The following TMC8 variants were observed in gnomAD, a reference collection of about 807,000 sequenced individuals.
TMC8 encodes the protein transmembrane channel-like protein 8.
A neutral mutation model predicts 76.0 loss-of-function variants in TMC8; 71 were observed. That is an observed-to-expected ratio of 0.93 (90% confidence interval 0.77 to 1.14). The LOEUF (loss-of-function observed/expected upper bound fraction) is 1.14, where lower values mean the gene tolerates loss of function less well. Among genes scored for constraint, TMC8 ranks in the 50% most tolerant of loss-of-function variants. The pLI, the probability that TMC8 is intolerant of heterozygous loss-of-function variation, is 0.00. For synonymous variants in TMC8, 433 were observed against 433.8 expected, an observed-to-expected ratio of 1.00 and a Z score of 0.02; for missense variants, 924 against 947.9, an observed-to-expected ratio of 0.97 and a Z score of 0.33.
In TMC8 at chr17:78,132,500, T is replaced by C; in HGVS notation, c.440T>C (p.Leu147Pro). Residue 147 changes from leucine to proline, a missense_variant, in exon 4 of 16, where the codon CTG (leucine) becomes CCG (proline). Leu to Pro is a moderately conservative substitution (Grantham distance 98). Transcript: ENST00000318430. ...WLRPPDPGPTLNLTLQCPGSR... is the reference protein window; with the variant it reads ...WLRPPDPGPTPNLTLQCPGSR... ...CGCCCCCCTGACCCAGGCCCCACCC[T>C]GAACTTGAGTGAGTGTGAGGCCCAC... 3.7e-6 allele frequency: 6 copies of C among 1,609,680 alleles called. No homozygotes were observed. Among genetic ancestry groups the C allele is most frequent in the Non-Finnish European group, 2.5e-6 (3 of 1,178,764 alleles).
At chr17:78,133,336 T>A in intron 5 of TMC8, 70 bp from the exon 6 acceptor site, 4 of 1,610,880 alleles carry the variant, frequency 2.5e-6, no homozygotes, top group Non-Finnish European at 3.4e-6. Flanking sequence ...GCTAACAAGA[T>A]CATATATGGA....
Position 78,141,508 on chromosome 17 carries a change from C to T in TMC8, c.*396C>T, listed in dbSNP as rs11655790. On this transcript the variant is annotated 3_prime_UTR_variant, in exon 16 of 16. Coordinates refer to ENST00000318430, the MANE Select transcript of TMC8 (RefSeq NM_152468.5). ...TGCCTTCAGAAGAGTCCGGGAACCA[C>T]TTCCTAAGGAAGGAAAGAGCTGGCC... is the stretch of plus-strand genomic sequence containing the variant. 4,567 of 160,030 alleles carry T rather than the reference C, an allele frequency of 0.029. 109 individuals are homozygous for T. The highest frequency in any genetic ancestry group is 0.095 in the South Asian group (467 of 4,924). The allele number at this position is 160,030 out of a possible 1,614,324, so 9.9% of individuals were successfully genotyped here.
intron 5 of TMC8, 90 bp downstream of exon 5, chr17:78,132,960 C>T: frequency 1.4e-6 from 2 of 1,424,420 alleles, no homozygotes; most frequent in Non-Finnish European, 9.9e-7. Context: ...GACCTCTGCT[C>T]CTCCAGGGAC....
chr17:78,131,134 C>A (rs1238242296), intron 1 of TMC8, 147 bp from the exon 2 acceptor site: 1 of 239,666 alleles, frequency 4.2e-6, no homozygotes, highest in Non-Finnish European at 8.4e-6. Flanking sequence ...GGCAAACTGC[C>A]ACGTGGAGAA....
intron 14 of TMC8, 44 bp downstream of exon 14, chr17:78,138,776 G>A: frequency 6.3e-7 from 1 of 1,599,326 alleles, no homozygotes; most frequent in Non-Finnish European, 8.5e-7. Context: ...ACCTGGAGGG[G>A]GAGGTCCTTC....
At chr17:78,133,711 C>T (rs1231590181) in intron 6 of TMC8, 142 bp from the exon 7 acceptor site, 2 of 1,514,834 alleles carry the variant, frequency 1.3e-6, no homozygotes, top group Non-Finnish European at 1.8e-6. Flanking sequence ...AACAGGGCCA[C>T]CGCCCCCTAC....
chr17:78,131,403 C>A lies in TMC8; in HGVS notation c.-186C>A. 1.3e-6 allele frequency: 1 copy of A among 777,852 alleles called. No individual in the cohort carries two copies. The highest frequency in any genetic ancestry group is 1.7e-5 in the South Asian group (1 of 58,888). The allele number at this position is 777,852 out of a possible 1,614,324, so 48.2% of individuals were successfully genotyped here. The stretch of plus-strand genomic sequence containing the variant: ...CCCGGAGGTGGCAGAGCGGCAGACC[C>A]GGGCAAGTGAACCCTAGGGCTGCAG... On this transcript the variant is annotated 5_prime_UTR_variant, in exon 2 of 16. Coordinates refer to ENST00000318430, the MANE Select transcript of TMC8 (RefSeq NM_152468.5).
rs2075065552 is a variant in TMC8 at position 78,132,877 on chromosome 17, G to A, written c.531+7G>A. 6.2e-7 allele frequency: 1 copy of A among 1,614,048 alleles called. No homozygotes were observed. The highest frequency in any genetic ancestry group is 1.3e-5 in the African/African-American group (1 of 74,950). On this transcript the variant is annotated splice_region_variant and intron_variant, in intron 5 of 15. Coordinates refer to ENST00000318430, the MANE Select transcript of TMC8 (RefSeq NM_152468.5). ...GCATGTTTTGACTGGCAGGGTGAGT[G>A]AGGTCTGTCCCGGCTATGGTCCAGA...
intron 15 of TMC8, among the ~76,000 whole-genome samples, chr17:78,140,459 G>A (rs1162430350): frequency 2.0e-5 from 3 of 152,042 alleles, no homozygotes; most frequent in African/African-American, 7.2e-5. Context: ...GGCTGCTTGG[G>A]GACGGACTCT....
chr17:78,141,673 C>G lies in TMC8; in HGVS notation c.*561C>G, dbSNP rs375098771. On this transcript the variant is annotated 3_prime_UTR_variant, in exon 16 of 16. Coordinates refer to ENST00000318430, the MANE Select transcript of TMC8 (RefSeq NM_152468.5). The stretch of plus-strand genomic sequence containing the variant: ...CCAGGGCCAGAGCTGGGATTTGAAC[C>G]CAGGCACTCGGGCTCCAGAGCCACA... 12 of 152,390 alleles carry G rather than the reference C, an allele frequency of 7.9e-5. No individual in the cohort carries two copies. In the East Asian group the frequency reaches 1.9e-3, roughly 24 times the overall value. The allele number at this position is 152,390 out of a possible 1,614,324, so 9.4% of individuals were successfully genotyped here.
At chr17:78,133,314 G>A (rs2075093351) in intron 5 of TMC8, 92 bp from the exon 6 acceptor site, 6 of 1,595,742 alleles carry the variant, frequency 3.8e-6, no homozygotes, top group East Asian at 2.2e-5. Flanking sequence ...CTGATGGGGG[G>A]ATTGCACGGG....
At chr17:78,134,219 G>A (rs977807008) in intron 7 of TMC8, among the ~76,000 whole-genome samples, 175 bp from the exon 8 acceptor site, 4 of 152,250 alleles carry the variant, frequency 2.6e-5, no homozygotes, top group Admixed American at 1.3e-4. Flanking sequence ...GGGTGATGGC[G>A]AGCACGCCTG....
intron 4 of TMC8, 85 bp from the exon 5 acceptor site, chr17:78,132,703 G>T: frequency 6.5e-7 from 1 of 1,547,150 alleles, no homozygotes; most frequent in Non-Finnish European, 8.9e-7. Flanking sequence ...GGCCTCCCCA[G>T]GGTTGGGGGT....
Position 78,133,433 on chromosome 17 carries a change from G to A in TMC8, c.559G>A (p.Gly187Ser), listed in dbSNP as rs768942830. The change falls in exon 6 of 16, where the codon GGT (glycine) becomes AGT (serine). Residue 187 changes from glycine to serine, a missense_variant. Physicochemically the swap from Gly to Ser is moderately conservative, Grantham distance 56 (BLOSUM62 0). Coordinates refer to ENST00000318430, the MANE Select transcript of TMC8 (RefSeq NM_152468.5). ...RAFTNTYLFYGAYRVGPESSS... is the reference protein window; with the variant it reads ...RAFTNTYLFYSAYRVGPESSS... Reference sequence around the variant, plus strand: ...CTTCACCAACACCTATCTCTTCTACGGTGCGTACCGAGTGGGGCCGGAGAG... The same window carrying A: ...CTTCACCAACACCTATCTCTTCTACAGTGCGTACCGAGTGGGGCCGGAGAG... 1.1e-5 allele frequency: 18 copies of A among 1,613,650 alleles called. No homozygotes were observed. The highest frequency in any genetic ancestry group is 1.7e-5 in the Admixed American group (1 of 60,004).
chr17:78,134,674 T>C, intron 8 of TMC8, 110 bp downstream of exon 8: 1 of 1,534,994 alleles, frequency 6.5e-7, no homozygotes, highest in Non-Finnish European at 8.8e-7. Context: ...CAATCGGTCG[T>C]GGCCACAGGT....
intron 15 of TMC8, 93 bp from the exon 16 acceptor site, chr17:78,140,741 G>T: frequency 1.3e-6 from 2 of 1,514,174 alleles, no homozygotes; most frequent in Non-Finnish European, 1.8e-6. Flanking sequence ...GTGCGGGCTG[G>T]CCCATGGGCC....
chr17:78,141,061 T>C lies in TMC8; in HGVS notation c.2130T>C (p.Gly710=), dbSNP rs2075363972. ...GLRSPCPGQH[G]APASARRFRF... ...GTTCCCCTTGCCCTGGACAGCACGG[T>C]GCCCCGGCCTCCGCCCGCAGATTCC... Residue 710 remains glycine (G), a synonymous_variant, in exon 16 of 16, where the codon GGT becomes GGC. Coordinates refer to ENST00000318430, the MANE Select transcript of TMC8 (RefSeq NM_152468.5). 1 of 1,594,296 alleles carries C rather than the reference T, an allele frequency of 6.3e-7. No individual in the cohort carries two copies. Among genetic ancestry groups the C allele is most frequent in the Non-Finnish European group, 8.5e-7 (1 of 1,172,388 alleles).
rs764556812 is a variant in TMC8 at position 78,137,366 on chromosome 17, G to A, written c.1251+8G>A. Reference sequence around the variant, plus strand: ...AACGTTTGTGACTATCAGGTGGCTGGCAGCCCGGCGGGGCCTGTCCCTCCC... The same window carrying A: ...AACGTTTGTGACTATCAGGTGGCTGACAGCCCGGCGGGGCCTGTCCCTCCC... On this transcript the variant is annotated splice_region_variant and intron_variant, in intron 10 of 15. Transcript: ENST00000318430. 3 of 1,613,784 alleles carry A rather than the reference G, an allele frequency of 1.9e-6. No homozygotes were observed. Among genetic ancestry groups the A allele is most frequent in the Middle Eastern group, 1.6e-4 (1 of 6,062 alleles).
intron 15 of TMC8, 133 bp from the exon 16 acceptor site, chr17:78,140,701 C>T (rs944289054): frequency 9.4e-6 from 12 of 1,271,536 alleles, no homozygotes; most frequent in East Asian, 2.6e-5. Flanking sequence ...GGCGTGGCCT[C>T]GGGCGGGGCG....
Sources: gnomAD v4.1 joint callset for allele counts (sites outside exome capture counted in the v4.1 genomes callset) on GRCh38, gnomAD v4.1.1 for gene constraint, MANE v1.5 for transcripts, NCBI Gene and HGNC (gene_info 2026-07-23, HGNC 2026-07-21) for gene names.